The following MATN2 variants were observed in gnomAD, a reference collection of about 807,000 sequenced individuals.
MATN2 encodes matrilin-2.
A neutral mutation model predicts 103.2 loss-of-function variants in MATN2; 69 were observed. The observed-to-expected ratio is 0.67, with a 90% CI of 0.55 to 0.82. The LOEUF is 0.82. Among genes scored for constraint, MATN2 ranks in the 40% least tolerant of loss-of-function variants. The pLI is 0.00. For synonymous variants in MATN2, 429 were observed against 450.2 expected, an observed-to-expected ratio of 0.95 and a Z score of 0.60; for missense variants, 1,023 against 1,211.5, an observed-to-expected ratio of 0.84 and a Z score of 2.31.
intron 2 of MATN2, among the ~76,000 whole-genome samples, chr8:97,900,236 G>A (rs142276471): frequency 3.9e-4 from 60 of 152,274 alleles, no homozygotes; most frequent in African/African-American, 1.4e-3. Flanking sequence ...GGAGGAGGAA[G>A]TTATTATAAG....
chr8:97,940,654 T>G (rs1211343905), intron 3 of MATN2, among the ~76,000 whole-genome samples: 2 of 152,252 alleles, frequency 1.3e-5, no homozygotes, highest in African/African-American at 4.8e-5. Flanking sequence ...TTTAGCTTCA[T>G]AAAAATATAT....
intron 18 of MATN2, chr8:98,034,060 C>A: frequency 2.4e-6 from 1 of 419,968 alleles, no homozygotes; most frequent in Non-Finnish European, 4.8e-6. Flanking sequence ...AGGTTTCAAA[C>A]TCAGTACTCC....
rs1164562801 is a variant in MATN2, at chr8:97,982,718, C to T, written c.1081+3710C>T. 6.6e-6 allele frequency among the ~76,000 whole-genome samples: 1 copy of T among 152,022 alleles called. No individual in the cohort carries two copies. Among genetic ancestry groups the T allele is most frequent in the Non-Finnish European group, 1.5e-5 (1 of 68,012 alleles). Reference sequence around the variant, plus strand: ...CACCACCTTTATATCAATTTCTTACCCTAGAGCAGCCCATCCAAATCTAGA... The same window carrying T: ...CACCACCTTTATATCAATTTCTTACTCTAGAGCAGCCCATCCAAATCTAGA... On this transcript the variant is annotated intron_variant, in intron 6 of 18. Transcript: ENST00000254898. The surrounding 1 kb of genome is among the most constrained non-coding windows in gnomAD (Gnocchi z 4.3).
At chr8:98,011,995 C>T (rs1302645476) in intron 10 of MATN2, among the ~76,000 whole-genome samples, 3 of 152,180 alleles carry the variant, frequency 2.0e-5, no homozygotes, top group Non-Finnish European at 4.4e-5. Context: ...GGCCTGGGTC[C>T]TTATGTGTAA....
intron 12 of MATN2, among the ~76,000 whole-genome samples, chr8:98,018,508 G>A (rs1813454265): frequency 6.6e-6 from 1 of 152,144 alleles, no homozygotes; most frequent in African/African-American, 2.4e-5. Context: ...AAGGGCAAAG[G>A]GTGAAAGGGT....
At chr8:97,928,149 T>C (rs1029627699) in intron 2 of MATN2, among the ~76,000 whole-genome samples, 5 of 151,544 alleles carry the variant, frequency 3.3e-5, no homozygotes, top group African/African-American at 9.7e-5. Context: ...ATCCATCATC[T>C]ACTGCCCCAA....
At chr8:97,984,082 A>G (rs966415023) in intron 6 of MATN2, among the ~76,000 whole-genome samples, 1 of 152,222 alleles carries the variant, frequency 6.6e-6, no homozygotes. Flanking sequence ...GTGACTCCCT[A>G]TGTGGATAAA....
chr8:97,930,027 A>G (rs1031277985), intron 2 of MATN2, among the ~76,000 whole-genome samples: 1 of 152,180 alleles, frequency 6.6e-6, no homozygotes, highest in Non-Finnish European at 1.5e-5. Flanking sequence ...CTCATCACTT[A>G]TTCTGTTACC....
intron 1 of MATN2, among the ~76,000 whole-genome samples, chr8:97,885,897 A>G (rs1818408777): frequency 6.6e-6 from 1 of 152,220 alleles, no homozygotes; most frequent in Non-Finnish European, 1.5e-5. Flanking sequence ...GAATTAGTCC[A>G]TGGTCTGTTA....
At chr8:97,972,897 A>C (rs964491685) in intron 5 of MATN2, among the ~76,000 whole-genome samples, 1 of 152,218 alleles carries the variant, frequency 6.6e-6, no homozygotes, top group Non-Finnish European at 1.5e-5. Flanking sequence ...ATTTTGTTGA[A>C]GTAGATGAGA....
chr8:97,981,195 A>T (rs908009219), intron 6 of MATN2, among the ~76,000 whole-genome samples: 1 of 151,894 alleles, frequency 6.6e-6, no homozygotes, highest in Non-Finnish European at 1.5e-5. Flanking sequence ...AAAAAAAAAA[A>T]AAGGCTAAAA....
chr8:97,979,127 AC>A, intron 6 of MATN2, 119 bp downstream of exon 6: 1 of 1,200,762 alleles, frequency 8.3e-7, no homozygotes, highest in Non-Finnish European at 1.1e-6. Flanking sequence ...GGGGTCTAAT[AC>A]CTTTTGCCCC....
chr8:97,993,846 A>T (rs1812475376), intron 6 of MATN2, among the ~76,000 whole-genome samples: 1 of 152,120 alleles, frequency 6.6e-6, no homozygotes, highest in African/African-American at 2.4e-5. Flanking sequence ...TCGATAAAAC[A>T]CTCAGCTAAA....
chr8:97,890,927 G>T (rs997913688), intron 2 of MATN2, among the ~76,000 whole-genome samples: 3 of 152,100 alleles, frequency 2.0e-5, no homozygotes, highest in Non-Finnish European at 4.4e-5. Context: ...TTAAATTCAG[G>T]TCAGAGTCTC....
intron 6 of MATN2, among the ~76,000 whole-genome samples, chr8:97,992,194 G>A (rs1324426161): frequency 6.6e-6 from 1 of 152,168 alleles, no homozygotes; most frequent in Non-Finnish European, 1.5e-5. Context: ...TGTATGTAAT[G>A]TACCCTCACA....
intron 2 of MATN2, among the ~76,000 whole-genome samples, chr8:97,926,199 C>T (rs574964663): frequency 6.6e-6 from 1 of 152,180 alleles, no homozygotes; most frequent in East Asian, 1.9e-4. Context: ...TTATTATGGG[C>T]CCACAAACTG....
intron 8 of MATN2, 46 bp downstream of exon 8, chr8:98,003,829 C>G (rs532627354): frequency 6.2e-7 from 1 of 1,610,842 alleles, no homozygotes; most frequent in Admixed American, 1.7e-5. Context: ...GTGGGGTCCA[C>G]TCATGGGGGC....
intron 6 of MATN2, among the ~76,000 whole-genome samples, chr8:97,992,884 C>A (rs769382405): frequency 2.0e-5 from 3 of 151,088 alleles, no homozygotes; most frequent in Non-Finnish European, 4.4e-5. Flanking sequence ...TGCGACATTG[C>A]GCTTCAGCCT....
intron 5 of MATN2, among the ~76,000 whole-genome samples, chr8:97,964,540 G>A (rs1181990747): frequency 2.0e-5 from 3 of 151,096 alleles, no homozygotes; most frequent in African/African-American, 7.3e-5. Flanking sequence ...CTGGGCTCAA[G>A]CGATACTCCC....
Sources: gnomAD v4.1 joint callset for allele counts (sites outside exome capture counted in the v4.1 genomes callset) on GRCh38, gnomAD v4.1.1 for gene constraint, Gnocchi (gnomAD v3.1) non-coding constraint, MANE v1.5 for transcripts, NCBI Gene and HGNC (gene_info 2026-07-23, HGNC 2026-07-21) for gene names.